The following NLGN1 variants were observed in gnomAD, a reference collection of about 807,000 sequenced individuals.
NLGN1 encodes the protein neuroligin-1.
A neutral mutation model predicts 65.5 loss-of-function variants in NLGN1; 12 were observed. The ratio of observed to expected loss-of-function variants is 0.18; its 90% CI spans 0.12 to 0.30. The LOEUF is 0.30. NLGN1 is among the 10% of genes least tolerant of loss of function. The probability of loss-of-function intolerance (pLI) is 1.00; values close to 1 mark genes in which losing one functional copy is unlikely to be tolerated. For missense variants in NLGN1, 750 were observed against 1,007.1 expected, an observed-to-expected ratio of 0.74 and a Z score of 3.46; for synonymous variants, 350 against 359.5, an observed-to-expected ratio of 0.97 and a Z score of 0.30.
At chr3:173,433,690 A>G (rs1717605368) in intron 1 of NLGN1, among the ~76,000 whole-genome samples, 1 of 151,874 alleles carries the variant, frequency 6.6e-6, no homozygotes, top group South Asian at 2.1e-4. Flanking sequence ...TGAGTGTTTA[A>G]TTTATAAGCG....
At chr3:173,630,947 T>C (rs1307271312) in intron 3 of NLGN1, among the ~76,000 whole-genome samples, 2 of 152,156 alleles carry the variant, frequency 1.3e-5, no homozygotes, top group Non-Finnish European at 2.9e-5. Flanking sequence ...TGTGGTCTAG[T>C]GGAAGCTGGT....
intron 4 of NLGN1, among the ~76,000 whole-genome samples, chr3:174,212,528 C>G (rs9830656): frequency 0.62 from 93,913 of 152,166 alleles, 30,755 homozygotes; most frequent in East Asian, 0.8. Context: ...AGCATGCTGT[C>G]ACCTCTCACT....
intron 2 of NLGN1, among the ~76,000 whole-genome samples, chr3:173,575,656 A>T (rs1745395131): frequency 1.3e-5 from 2 of 152,206 alleles, no homozygotes; most frequent in African/African-American, 4.8e-5. Context: ...TTTTCTTCTA[A>T]AAATACCACA....
rs3033827 is a variant in NLGN1, at chr3:173,747,059, T to TACACACACAC, written c.494-60597_494-60588dup. ...TGCCTCAAAAAGAAAAAATTATATATACACACACACACACACACACACACA... is the reference window on the plus strand; with the variant it reads ...TGCCTCAAAAAGAAAAAATTATATATACACACACACACACACACACACACACACACACACA... On this transcript the variant is annotated intron_variant, in intron 3 of 6. Coordinates refer to ENST00000457714, the Ensembl canonical transcript of NLGN1. Among the ~76,000 whole-genome samples, 352 of 130,392 alleles carry TACACACACAC rather than the reference T, an allele frequency of 2.7e-3. 2 individuals are homozygous for TACACACACAC. The highest frequency in any genetic ancestry group is 9.6e-3 in the African/African-American group (340 of 35,322). The allele number at this position is 130,392 out of a possible 152,430, so 85.5% of individuals were successfully genotyped here.
chr3:174,182,270 A>C (rs772025615), intron 4 of NLGN1, among the ~76,000 whole-genome samples: 1 of 152,188 alleles, frequency 6.6e-6, no homozygotes, highest in South Asian at 2.1e-4. Context: ...CCCAGTTGCA[A>C]TAAATGTCTA....
chr3:174,133,328 C>A (rs1398246440), intron 4 of NLGN1, among the ~76,000 whole-genome samples: 1 of 152,170 alleles, frequency 6.6e-6, no homozygotes, highest in African/African-American at 2.4e-5. Flanking sequence ...TGGAAAATAT[C>A]TTCTAATCTT....
At chr3:173,962,383 A>G (rs1450884142) in intron 4 of NLGN1, among the ~76,000 whole-genome samples, 1 of 152,144 alleles carries the variant, frequency 6.6e-6, no homozygotes, top group Non-Finnish European at 1.5e-5. Context: ...TCTCTCTTTT[A>G]TAATATAATG....
intron 2 of NLGN1, among the ~76,000 whole-genome samples, chr3:173,597,060 C>G (rs1399418868): frequency 1.3e-5 from 2 of 152,094 alleles, no homozygotes; most frequent in Admixed American, 6.6e-5. Context: ...ATTAACTAAC[C>G]CCGGCAAGCA....
At chr3:173,881,609 G>T (rs1245107967) in intron 4 of NLGN1, among the ~76,000 whole-genome samples, 1 of 149,200 alleles carries the variant, frequency 6.7e-6, no homozygotes, top group Non-Finnish European at 1.5e-5. Flanking sequence ...TGTGTTTTTA[G>T]TAGAGACGGG....
intron 4 of NLGN1, among the ~76,000 whole-genome samples, chr3:174,074,304 TGATA>T (rs1216040718): frequency 6.6e-6 from 1 of 152,206 alleles, no homozygotes; most frequent in African/African-American, 2.4e-5. Flanking sequence ...TTGGCAAAGA[TGATA>T]ATGTGCTAAT....
chr3:173,445,283 A>AC (rs1291328895), intron 2 of NLGN1, among the ~76,000 whole-genome samples: 2 of 137,674 alleles, frequency 1.5e-5, no homozygotes, highest in African/African-American at 2.7e-5. Flanking sequence ...AAAAAAAAAA[A>AC]AAAAAAAAAA....
At chr3:173,715,922 T>C (rs1216822504) in intron 3 of NLGN1, among the ~76,000 whole-genome samples, 3 of 152,178 alleles carry the variant, frequency 2.0e-5, no homozygotes, top group African/African-American at 7.2e-5. Flanking sequence ...TTTTGATTAA[T>C]GTATTTCAAT....
intron 2 of NLGN1, among the ~76,000 whole-genome samples, chr3:173,547,937 T>A (rs865807875): frequency 5.3e-5 from 8 of 152,162 alleles, no homozygotes; most frequent in African/African-American, 1.9e-4. Context: ...CTGAACATGT[T>A]TTAATTTTTT....
At chr3:173,600,064 A>G (rs1750183029) in intron 2 of NLGN1, among the ~76,000 whole-genome samples, 1 of 152,118 alleles carries the variant, frequency 6.6e-6, no homozygotes, top group Admixed American at 6.6e-5. Context: ...TTAATGCTTT[A>G]GAACCTCAGT....
At chr3:174,009,005 A>T (rs1315693399) in intron 4 of NLGN1, among the ~76,000 whole-genome samples, 1 of 152,172 alleles carries the variant, frequency 6.6e-6, no homozygotes, top group Admixed American at 6.5e-5. Flanking sequence ...AACGAATACC[A>T]TACCCTGGGT....
At chr3:173,973,700 T>C (rs1239712886) in intron 4 of NLGN1, among the ~76,000 whole-genome samples, 1 of 152,102 alleles carries the variant, frequency 6.6e-6, no homozygotes, top group Non-Finnish European at 1.5e-5. Flanking sequence ...TTAAATTGAT[T>C]ATATTTTCAT....
chr3:173,961,158 G>T (rs562308652), intron 4 of NLGN1, among the ~76,000 whole-genome samples: 1 of 152,176 alleles, frequency 6.6e-6, no homozygotes, highest in East Asian at 1.9e-4. Flanking sequence ...TCGGAAACAT[G>T]AAGTATAGAA....
chr3:173,509,533 A>C (rs1263904782), intron 2 of NLGN1, among the ~76,000 whole-genome samples: 1 of 152,110 alleles, frequency 6.6e-6, no homozygotes, highest in African/African-American at 2.4e-5. Flanking sequence ...GGGTCACCTG[A>C]GCTTGGGAAG....
At chr3:173,524,015 A>G (rs1735210383) in intron 2 of NLGN1, among the ~76,000 whole-genome samples, 1 of 148,724 alleles carries the variant, frequency 6.7e-6, no homozygotes, top group Admixed American at 6.7e-5. Flanking sequence ...CTGCCTCCCA[A>G]GTTCATGCCA....
Sources: gnomAD v4.1 joint callset for allele counts (sites outside exome capture counted in the v4.1 genomes callset) on GRCh38, gnomAD v4.1.1 for gene constraint, MANE v1.5 for transcripts, NCBI Gene and HGNC (gene_info 2026-07-23, HGNC 2026-07-21) for gene names.